Variants in ARRB2 observed in about 807,000 individuals in gnomAD.
The protein encoded by ARRB2 is arrestin beta 2, also known as beta-arrestin-2.
A neutral mutation model predicts 53.4 loss-of-function variants in ARRB2; 21 were observed. That is an observed-to-expected ratio of 0.39 (90% CI 0.28 to 0.57). The LOEUF is 0.57. Ranked by LOEUF, ARRB2 falls within the 20% of genes least tolerant of loss-of-function variation. The pLI, the probability that ARRB2 is intolerant of heterozygous loss-of-function variation, is 0.55. For missense variants in ARRB2, 369 were observed against 527.5 expected (o/e 0.70, Z 2.94); for synonymous variants, 180 against 212.9 (o/e 0.85, Z 1.34).
chr17:4,719,907 G>A (rs1407251550), intron 11 of ARRB2, among the ~76,000 whole-genome samples: 3 of 152,186 alleles, frequency 2.0e-5, no homozygotes, highest in Non-Finnish European at 2.9e-5. Flanking sequence ...CAGCAGGCCC[G>A]GAGGGCAACT....
In ARRB2 at chr17:4,717,826, G is replaced by A. The variant is rs542009374; in HGVS notation, c.486-62G>A. 57 of 1,601,794 alleles carry A rather than the reference G, an allele frequency of 3.6e-5. No homozygotes were observed. The highest frequency in any genetic ancestry group is 3.2e-4 in the South Asian group (29 of 90,860). On this transcript the variant is annotated intron_variant, in intron 7 of 14. Coordinates refer to ENST00000269260, the MANE Select transcript of ARRB2 (RefSeq NM_004313.4). This position sits in a 1 kb window ranked among gnomAD's most constrained non-coding sequence, Gnocchi z 6.0. The stretch of plus-strand genomic sequence containing the variant: ...GCTTCCAGGAGCCCAGGCCCCGTGC[G>A]GGGGAGGAGTAGGGTTGGGGTGTGT...
rs552634178 is a variant in ARRB2, at chr17:4,717,600, C to A, written c.418-85C>A. On this transcript the variant is annotated intron_variant, in intron 6 of 14. Transcript: ENST00000269260. This position sits in a 1 kb window ranked among gnomAD's most constrained non-coding sequence, Gnocchi z 6.0. ...CCACAATGAGGCAAGAGTCCCTGCC[C>A]GAGAGGAGGGAAGGGGGAGGAAGAA... 1.3e-6 allele frequency: 2 copies of A among 1,563,594 alleles called. No individual in the cohort carries two copies. Among genetic ancestry groups the A allele is most frequent in the African/African-American group, 2.7e-5 (2 of 73,948 alleles).
At chr17:4,720,800 C>A in intron 14 of ARRB2, 146 bp from the exon 15 acceptor site, 1 of 1,053,648 alleles carries the variant, frequency 9.5e-7, no homozygotes, top group South Asian at 1.5e-5. Flanking sequence ...GCTGCCTTTT[C>A]TTTGTCCCTT....
chr17:4,711,175 G>A (rs1400073724), intron 1 of ARRB2, among the ~76,000 whole-genome samples: 5 of 152,052 alleles, frequency 3.3e-5, no homozygotes, highest in Admixed American at 3.3e-4. Flanking sequence ...AGGTAGTCGC[G>A]CTGCCCACAC....
In ARRB2 at chr17:4,715,910, G is replaced by A; in HGVS notation, c.55-63G>A. 6.9e-6 allele frequency: 11 copies of A among 1,597,970 alleles called. 1 individual carries two copies. In the South Asian group the frequency reaches 1.2e-4, roughly 18 times the overall value. On this transcript the variant is annotated intron_variant, in intron 2 of 14. Transcript: ENST00000269260. ...ATCCCCGGGCAGGGCAGCCAGTTTT[G>A]AGGGCTCCGATGCCCTGTCACCATC...
intron 10 of ARRB2, among the ~76,000 whole-genome samples, chr17:4,718,886 A>T (rs1915376630): frequency 6.6e-6 from 1 of 150,748 alleles, no homozygotes; most frequent in Non-Finnish European, 1.5e-5. Flanking sequence ...GGTTCAAGCG[A>T]TTCTCCTGCC....
chr17:4,714,829 C>T, intron 1 of ARRB2, 184 bp from the exon 2 acceptor site: 1 of 435,242 alleles, frequency 2.3e-6, no homozygotes, highest in Non-Finnish European at 4.2e-6. Context: ...CTTGCCACCA[C>T]GTTAGAAATA....
In ARRB2 at chr17:4,720,441, C is replaced by T. The variant is rs201660072; in HGVS notation, c.1050C>T (p.His350=). Residue 350 remains histidine (H), a synonymous_variant, in exon 13 of 15, where the codon CAC becomes CAT. Coordinates refer to ENST00000269260, the MANE Select transcript of ARRB2 (RefSeq NM_004313.4). Reference sequence around the variant, plus strand: ...TTGTTCTTATGCACCCCAAGCCCCACGACCACATCCCCCTCCCCAGACCCC... The same window carrying T: ...TTGTTCTTATGCACCCCAAGCCCCATGACCACATCCCCCTCCCCAGACCCC... The part of the protein sequence containing the change: ...LPFVLMHPKP[H]DHIPLPRPQS... 19 of 1,613,548 alleles carry T rather than the reference C, an allele frequency of 1.2e-5. No homozygotes were observed. The African/African-American group carries it at 1.2e-4, about 10-fold the overall frequency.
In ARRB2 at chr17:4,717,281, G is replaced by C; in HGVS notation, c.417+5G>C. Reference sequence around the variant, plus strand: ...GGCCCAGAGGATACAGGAAAGGTACGGGAGGAACAGCTCTGAGGGCTCCTA... The same window carrying C: ...GGCCCAGAGGATACAGGAAAGGTACCGGAGGAACAGCTCTGAGGGCTCCTA... On this transcript the variant is annotated splice_donor_5th_base_variant and intron_variant, in intron 6 of 14. Transcript: ENST00000269260. The surrounding 1 kb of genome is among the most constrained non-coding windows in gnomAD (Gnocchi z 6.0). 3.1e-6 allele frequency: 5 copies of C among 1,614,064 alleles called. No homozygotes were observed. Among genetic ancestry groups the C allele is most frequent in the South Asian group, 2.2e-5 (2 of 91,084 alleles).
Position 4,716,135 on chromosome 17 carries a change from T to TC in ARRB2, c.116-7dup, listed in dbSNP as rs772318886. Reference sequence around the variant, plus strand: ...CCCTTTCAGGAAGTGAGCTGGTGTGTCCCCCTCCTAGATGGCGTGGTGCTT... The same window carrying TC: ...CCCTTTCAGGAAGTGAGCTGGTGTGTCCCCCCTCCTAGATGGCGTGGTGCTT... On this transcript the variant is annotated splice_polypyrimidine_tract_variant and intron_variant, in intron 3 of 14. Coordinates refer to ENST00000269260, the MANE Select transcript of ARRB2 (RefSeq NM_004313.4). 93 of 1,613,722 alleles carry TC rather than the reference T, an allele frequency of 5.8e-5. No homozygotes were observed. Among genetic ancestry groups the TC allele is most frequent in the Non-Finnish European group, 7.3e-5 (86 of 1,179,930 alleles).
chr17:4,717,551 G>C lies in ARRB2; in HGVS notation c.418-134G>C. 1 of 1,220,598 alleles carries C rather than the reference G, an allele frequency of 8.2e-7. No homozygotes were observed. The highest frequency in any genetic ancestry group is 2.3e-5 in the East Asian group (1 of 42,664). 75.6% of individuals were successfully genotyped at this position (1,220,598 alleles called of 1,614,324 possible). Reference sequence around the variant, plus strand: ...GGTTCTGGGCTTTGGAGAGGAAGAAGACTTAGTCCCCAGGGTCGTGAGACC... The same window carrying C: ...GGTTCTGGGCTTTGGAGAGGAAGAACACTTAGTCCCCAGGGTCGTGAGACC... On this transcript the variant is annotated intron_variant, in intron 6 of 14. Transcript: ENST00000269260. The surrounding 1 kb of genome is among the most constrained non-coding windows in gnomAD (Gnocchi z 6.0).
intron 8 of ARRB2, 80 bp from the exon 9 acceptor site, chr17:4,718,181 T>C: frequency 6.5e-7 from 1 of 1,547,028 alleles, no homozygotes. Context: ...GCCAGAACAA[T>C]GTGTCTGTGT....
rs1477758546 is a variant in ARRB2, at chr17:4,717,608, G to A, written c.418-77G>A. On this transcript the variant is annotated intron_variant, in intron 6 of 14. Transcript: ENST00000269260. This position sits in a 1 kb window ranked among gnomAD's most constrained non-coding sequence, Gnocchi z 6.0. Reference sequence around the variant, plus strand: ...AGGCAAGAGTCCCTGCCCGAGAGGAGGGAAGGGGGAGGAAGAAAGGGCAGT... The same window carrying A: ...AGGCAAGAGTCCCTGCCCGAGAGGAAGGAAGGGGGAGGAAGAAAGGGCAGT... 3.1e-5 allele frequency: 49 copies of A among 1,584,194 alleles called. No homozygotes were observed. Among genetic ancestry groups the A allele is most frequent in the Non-Finnish European group, 4.1e-5 (47 of 1,154,504 alleles).
intron 10 of ARRB2, 53 bp from the exon 11 acceptor site, chr17:4,719,230 C>G: frequency 6.3e-7 from 1 of 1,581,082 alleles, no homozygotes; most frequent in Non-Finnish European, 8.6e-7. Context: ...ATAGGCCGCC[C>G]CTTGCCCAGC....
At chr17:4,718,530 G>A (rs1164823960) in intron 9 of ARRB2, 82 bp from the exon 10 acceptor site, 7 of 1,432,852 alleles carry the variant, frequency 4.9e-6, no homozygotes, top group South Asian at 3.6e-5. Flanking sequence ...GCATGGGGGG[G>A]CCACGCCACG....
Position 4,717,373 on chromosome 17 carries a change from C to T in ARRB2, c.417+97C>T. 6.8e-7 allele frequency: 1 copy of T among 1,460,144 alleles called. No homozygotes were observed. Among genetic ancestry groups the T allele is most frequent in the South Asian group, 1.1e-5 (1 of 87,888 alleles). 90.4% of individuals were successfully genotyped at this position (1,460,144 alleles called of 1,614,324 possible). The stretch of plus-strand genomic sequence containing the variant: ...GCCAGAGGGTGAACTGTCGAGATGC[C>T]AGGGTGGGGCCGAGGGTAGGCCAGT... On this transcript the variant is annotated intron_variant, in intron 6 of 14. Transcript: ENST00000269260. The surrounding 1 kb of genome is among the most constrained non-coding windows in gnomAD (Gnocchi z 6.0).
chr17:4,711,041 G>A (rs979937509), intron 1 of ARRB2, among the ~76,000 whole-genome samples: 1 of 152,086 alleles, frequency 6.6e-6, no homozygotes, highest in South Asian at 2.1e-4. Flanking sequence ...TGCAGGGATG[G>A]AGGAAGGAGG....
At chr17:4,715,208 CG>C (rs1914819562) in intron 2 of ARRB2, 165 bp downstream of exon 2, 1 of 816,206 alleles carries the variant, frequency 1.2e-6, no homozygotes, top group South Asian at 1.9e-5. Flanking sequence ...AGCCCCTTGC[CG>C]CAGAGGCTGC....
intron 5 of ARRB2, 86 bp downstream of exon 5, chr17:4,716,694 T>G (rs1416701123): frequency 1.3e-6 from 2 of 1,496,184 alleles, no homozygotes; most frequent in African/African-American, 1.4e-5. Flanking sequence ...TGTGGGCAGA[T>G]CTGGAAGAAA....
Sources: allele counts gnomAD v4.1 joint callset (sites outside exome capture counted in the v4.1 genomes callset), GRCh38; gene constraint gnomAD v4.1.1; non-coding constraint Gnocchi (gnomAD v3.1); transcripts MANE v1.5; gene names NCBI Gene and HGNC (gene_info 2026-07-23, HGNC 2026-07-21).